The following PHACTR2 variants were observed in gnomAD, a reference collection of about 807,000 sequenced individuals.
The protein encoded by PHACTR2 is chromosome 6 open reading frame 56.
In PHACTR2, 30 loss-of-function variants were observed where a neutral mutation model predicts 76.0. That is an observed-to-expected ratio of 0.39 (90% confidence interval 0.30 to 0.54). The LOEUF (loss-of-function observed/expected upper bound fraction) is 0.54, where lower values mean the gene tolerates loss of function less well. PHACTR2 is among the 20% of genes least tolerant of loss of function. PHACTR2 has a pLI of 0.61. For synonymous variants in PHACTR2, 292 were observed against 292.5 expected (o/e 1.00, Z 0.02); for missense variants, 696 against 781.1 (o/e 0.89, Z 1.30).
Position 143,742,955 on chromosome 6 carries a change from T to C in PHACTR2, c.215-6030T>C, listed in dbSNP as rs1423154353. On this transcript the variant is annotated intron_variant, in intron 2 of 12. Transcript: ENST00000440869. This position sits in a 1 kb window ranked among gnomAD's most constrained non-coding sequence, Gnocchi z 4.5. ...TATTGAATGCTTTCTAGATCCTAGG[T>C]ACTGGTCTCAGTATTTTACTTGGTT... 6.6e-6 allele frequency among the ~76,000 whole-genome samples: 1 copy of C among 152,210 alleles called. No individual in the cohort carries two copies. Among genetic ancestry groups the C allele is most frequent in the African/African-American group, 2.4e-5 (1 of 41,452 alleles).
intron 1 of PHACTR2, among the ~76,000 whole-genome samples, chr6:143,637,167 G>C (rs1002005563): frequency 6.6e-6 from 1 of 152,214 alleles, no homozygotes; most frequent in Non-Finnish European, 1.5e-5. Context: ...TGCTAAGCAT[G>C]TGGTTCTTCT....
At chr6:143,545,921 G>T (rs1328375041) in intron 1 of PHACTR2, among the ~76,000 whole-genome samples, 1 of 152,168 alleles carries the variant, frequency 6.6e-6, no homozygotes, top group Non-Finnish European at 1.5e-5. Context: ...TGACTTACTC[G>T]TGATGGAGTG....
Position 143,803,620 on chromosome 6 carries a change from T to C in PHACTR2, c.1846-3437T>C, listed in dbSNP as rs1776008096. Among the ~76,000 whole-genome samples, 1 of 152,196 alleles carries C rather than the reference T, an allele frequency of 6.6e-6. No individual in the cohort carries two copies. The highest frequency in any genetic ancestry group is 6.5e-5 in the Admixed American group (1 of 15,282). ...GTTTCTAAATAGAACATCAAAATCA[T>C]CTATTTTGGAAAAATCAGATTCATC... On this transcript the variant is annotated intron_variant, in intron 11 of 12. Transcript: ENST00000440869. This position sits in a 1 kb window ranked among gnomAD's most constrained non-coding sequence, Gnocchi z 4.7.
At position 143,695,661 on chromosome 6, in the gene PHACTR2, T is replaced by G. The variant is rs1024020201; in HGVS notation, c.47-16355T>G. Among the ~76,000 whole-genome samples, 17 of 152,236 alleles carry G rather than the reference T, an allele frequency of 1.1e-4. No homozygotes were observed. The highest frequency in any genetic ancestry group is 2.4e-4 in the Non-Finnish European group (16 of 68,036). On this transcript the variant is annotated intron_variant, in intron 1 of 12. Coordinates refer to ENST00000440869, the MANE Select transcript of PHACTR2 (RefSeq NM_001100164.2). This position sits in a 1 kb window ranked among gnomAD's most constrained non-coding sequence, Gnocchi z 4.4. ...AGAGGGCCCTTTGATAATGATTTCT[T>G]AGCCAGTCCAGTGGATAACATGAGT...
In PHACTR2 at chr6:143,617,374, C is replaced by T. The variant is rs1298814045; in HGVS notation, c.13+9052C>T. 6.6e-6 allele frequency among the ~76,000 whole-genome samples: 1 copy of T among 152,218 alleles called. No individual in the cohort carries two copies. Among genetic ancestry groups the T allele is most frequent in the African/African-American group, 2.4e-5 (1 of 41,464 alleles). ...AAAGTCTTGAGGGCAGATGCCACATCATAGACATCTTTTATGTCTTCCAAA... is the reference window on the plus strand; with the variant it reads ...AAAGTCTTGAGGGCAGATGCCACATTATAGACATCTTTTATGTCTTCCAAA... On this transcript the variant is annotated intron_variant, in intron 1 of 11. Transcript: ENST00000305766. The surrounding 1 kb of genome is among the most constrained non-coding windows in gnomAD (Gnocchi z 4.8).
chr6:143,715,899 C>T (rs936109446), intron 2 of PHACTR2, among the ~76,000 whole-genome samples: 1 of 152,198 alleles, frequency 6.6e-6, no homozygotes, highest in Non-Finnish European at 1.5e-5. Flanking sequence ...TTAACATCAG[C>T]CTATCCTGTC....
At chr6:143,719,349 C>CTTTTTT (rs34643788) in intron 2 of PHACTR2, among the ~76,000 whole-genome samples, 1 of 86,916 alleles carries the variant, frequency 1.2e-5, no homozygotes, top group African/African-American at 5.2e-5. Context: ...TTCGACACTT[C>CTTTTTT]TTTTTTTTTT....
At chr6:143,651,718 G>A (rs769846413) in intron 1 of PHACTR2, among the ~76,000 whole-genome samples, 29 of 152,026 alleles carry the variant, frequency 1.9e-4, no homozygotes, top group Non-Finnish European at 2.6e-4. Flanking sequence ...GAGGGAGAGC[G>A]TCAGGAAGAA....
chr6:143,774,603 T>G lies in PHACTR2; in HGVS notation c.1589+388T>G, dbSNP rs1257604774. ...ATAAAACTTTATTTATTCATAAAGC[T>G]GGATTTGGCCTGCAGATCACAGTTT... is the stretch of plus-strand genomic sequence containing the variant. On this transcript the variant is annotated intron_variant, in intron 8 of 12. Transcript: ENST00000440869. This position sits in a 1 kb window ranked among gnomAD's most constrained non-coding sequence, Gnocchi z 5.4. Among the ~76,000 whole-genome samples the G allele has an allele frequency of 1.3e-5, 2 of 152,232 alleles. No individual in the cohort carries two copies. Among genetic ancestry groups the G allele is most frequent in the African/African-American group, 2.4e-5 (1 of 41,458 alleles).
intron 1 of PHACTR2, among the ~76,000 whole-genome samples, chr6:143,694,243 G>A (rs1777719962): frequency 6.7e-6 from 1 of 150,070 alleles, no homozygotes; most frequent in Non-Finnish European, 1.5e-5. Context: ...AAGGAAGGAA[G>A]GGAGGGAAAG....
In PHACTR2 at chr6:143,777,063, G is replaced by A. The variant is rs1775297035; in HGVS notation, c.1590-265G>A. ...AGCACGATACCTGGCTTCTAGGGAG[G>A]CAGAAGTCTGTAGTCAGGTACCTAG... On this transcript the variant is annotated intron_variant, in intron 8 of 12. Coordinates refer to ENST00000440869, the MANE Select transcript of PHACTR2 (RefSeq NM_001100164.2). This position sits in a 1 kb window ranked among gnomAD's most constrained non-coding sequence, Gnocchi z 4.6. Among the ~76,000 whole-genome samples the A allele has an allele frequency of 2.0e-5, 3 of 151,954 alleles. No individual in the cohort carries two copies. The highest frequency in any genetic ancestry group is 2.0e-4 in the Admixed American group (3 of 15,254).
chr6:143,697,940 G>A lies in PHACTR2; in HGVS notation c.47-14076G>A, dbSNP rs12527275. Among the ~76,000 whole-genome samples the A allele has an allele frequency of 0.18, 27,880 of 152,014 alleles. 2,938 individuals are homozygous for A. Among genetic ancestry groups the A allele is most frequent in the Middle Eastern group, 0.28 (82 of 294 alleles). ...ATTATTTTTTCTTGCTTCTCAGAGA[G>A]GTAGTCTTTTTTTTAACCTACTCAC... On this transcript the variant is annotated intron_variant, in intron 1 of 12. Transcript: ENST00000440869. This position sits in a 1 kb window ranked among gnomAD's most constrained non-coding sequence, Gnocchi z 4.4.
In PHACTR2 at chr6:143,681,894, A is replaced by G. The variant is rs1464799323; in HGVS notation, c.46+3685A>G. On this transcript the variant is annotated intron_variant, in intron 1 of 12. Transcript: ENST00000440869. ...CCAAAAATTGATTGACTGTGTACAT[A>G]AGGGTTTACTTCTGGATTCTCAATT... is the stretch of plus-strand genomic sequence containing the variant. Among the ~76,000 whole-genome samples, 4 of 152,214 alleles carry G rather than the reference A, an allele frequency of 2.6e-5. No individual in the cohort carries two copies. The East Asian group carries it at 7.7e-4, about 29-fold the overall frequency.
intron 1 of PHACTR2, among the ~76,000 whole-genome samples, chr6:143,631,375 T>G (rs1017943110): frequency 6.6e-6 from 1 of 152,030 alleles, no homozygotes; most frequent in Non-Finnish European, 1.5e-5. Flanking sequence ...AAAATTTTTT[T>G]TAGAGATAGG....
chr6:143,603,145 C>CAAA (rs751947717), intron 1 of PHACTR2, among the ~76,000 whole-genome samples: 985 of 78,372 alleles, frequency 0.013, 26 homozygotes, highest in East Asian at 0.12. Flanking sequence ...GACTCTGTCT[C>CAAA]AAAAAAAAAA....
chr6:143,682,487 A>AT lies in PHACTR2; in HGVS notation c.46+4280dup, dbSNP rs1777414924. Among the ~76,000 whole-genome samples the AT allele has an allele frequency of 2.0e-5, 3 of 151,976 alleles. No homozygotes were observed. The South Asian group carries it at 6.2e-4, about 32-fold the overall frequency. On this transcript the variant is annotated intron_variant, in intron 1 of 12. Coordinates refer to ENST00000440869, the MANE Select transcript of PHACTR2 (RefSeq NM_001100164.2). ...ACCTGGGCCTTCCAATATTGCAGGGATTATAGGCATGAGCCACCATGCCTG... is the reference window on the plus strand; with the variant it reads ...ACCTGGGCCTTCCAATATTGCAGGGATTTATAGGCATGAGCCACCATGCCTG...
intron 11 of PHACTR2, among the ~76,000 whole-genome samples, chr6:143,802,324 T>C (rs1775976398): frequency 6.6e-6 from 1 of 152,080 alleles, no homozygotes; most frequent in Non-Finnish European, 1.5e-5. Flanking sequence ...CCCAGCTCTT[T>C]CTATCTCATG....
At chr6:143,542,079 G>A (rs777520102) in intron 1 of PHACTR2, among the ~76,000 whole-genome samples, 14 of 152,080 alleles carry the variant, frequency 9.2e-5, no homozygotes, top group Non-Finnish European at 1.3e-4. Flanking sequence ...TCTCTCCCTG[G>A]TCAGGGAATA....
chr6:143,738,186 C>T lies in PHACTR2; in HGVS notation c.215-10799C>T, dbSNP rs945639230. 2.0e-5 allele frequency among the ~76,000 whole-genome samples: 3 copies of T among 151,724 alleles called. No individual in the cohort carries two copies. The highest frequency in any genetic ancestry group is 2.1e-4 in the South Asian group (1 of 4,818). On this transcript the variant is annotated intron_variant, in intron 2 of 12. Coordinates refer to ENST00000440869, the MANE Select transcript of PHACTR2 (RefSeq NM_001100164.2). This position sits in a 1 kb window ranked among gnomAD's most constrained non-coding sequence, Gnocchi z 4.0. ...TAGCACTTTGGGAGTCCTAGGCAGG[C>T]GGATCACAAGGTCAGGAGTTCGAAA... is the stretch of plus-strand genomic sequence containing the variant.
Sources: gnomAD v4.1 joint callset for allele counts (sites outside exome capture counted in the v4.1 genomes callset) on GRCh38, gnomAD v4.1.1 for gene constraint, Gnocchi (gnomAD v3.1) non-coding constraint, MANE v1.5 for transcripts, NCBI Gene and HGNC (gene_info 2026-07-23, HGNC 2026-07-21) for gene names.